The following SERPINB6 variants were observed in gnomAD, a reference collection of about 807,000 sequenced individuals.
SERPINB6 encodes the protein serpin B6.
A neutral mutation model predicts 26.1 loss-of-function variants in SERPINB6; 16 were observed. The ratio of observed to expected loss-of-function variants is 0.61; its 90% CI spans 0.42 to 0.93. The LOEUF (loss-of-function observed/expected upper bound fraction) is 0.93, where lower values mean the gene tolerates loss of function less well. Ranked by LOEUF, SERPINB6 falls within the 40% of genes least tolerant of loss-of-function variation. The pLI is 0.00. For synonymous variants in SERPINB6, 174 were observed against 176.6 expected (o/e 0.99, Z 0.11); for missense variants, 420 against 478.0 (o/e 0.88, Z 1.13).
rs1400963308 is a variant in SERPINB6 at position 2,955,197 on chromosome 6, A to AAC, written c.312+326_312+327insGT. The AAC allele has an allele frequency of 1.0e-5, 3 of 295,188 alleles. No individual in the cohort carries two copies. In the East Asian group the frequency reaches 2.4e-4, roughly 24 times the overall value. The allele number at this position is 295,188 out of a possible 1,614,324, so 18.3% of individuals were successfully genotyped here. On this transcript the variant is annotated intron_variant, in intron 3 of 6. Transcript: ENST00000380539. ...AGAGCGAGATTCTGTCTCAAAAAAA[A>AAC]AAAAACAAAAAAAAAAAAGCAAAAA... is the stretch of plus-strand genomic sequence containing the variant.
intron 1 of SERPINB6, chr6:2,969,364 C>T: frequency 1.0e-6 from 1 of 973,520 alleles, no homozygotes. Flanking sequence ...TGTGAATACA[C>T]ATGTATATAT....
chr6:2,970,922 T>C (rs1431870355), intron 1 of SERPINB6: 6 of 1,229,330 alleles, frequency 4.9e-6, no homozygotes, highest in Non-Finnish European at 6.1e-6. Context: ...GTGCTGCGGA[T>C]TGGCCAAGCC....
At position 2,948,319 on chromosome 6, in the gene SERPINB6, G is replaced by A. The variant is rs3188238; in HGVS notation, c.1110C>T (p.Cys370=). The change falls in exon 7 of 7, where the codon TGC becomes TGT. Residue 370 remains cysteine (C), a synonymous_variant. Coordinates refer to ENST00000380539, the MANE Select transcript of SERPINB6 (RefSeq NM_004568.6). This position sits in a 1 kb window ranked among gnomAD's most constrained non-coding sequence, Gnocchi z 5.0. ...GTCCTCACGGAGAGGAAAAGCGGCCGCAGAAGAGAATCCCGTTGGTCTTGC... is the reference window on the plus strand; with the variant it reads ...GTCCTCACGGAGAGGAAAAGCGGCCACAGAAGAGAATCCCGTTGGTCTTGC... ...QHSKTNGILF[C]GRFSSP is the part of the protein sequence containing the mutation. 171 of 1,613,798 alleles carry A rather than the reference G, an allele frequency of 1.1e-4. 1 individual carries two copies. Among genetic ancestry groups the A allele is most frequent in the Non-Finnish European group, 1.3e-4 (151 of 1,180,014 alleles).
In SERPINB6 at chr6:2,955,915, A is replaced by G. The variant is rs1009393880; in HGVS notation, c.166-245T>C. The G allele has an allele frequency of 1.9e-5, 8 of 424,678 alleles. No homozygotes were observed. In the Admixed American group the frequency reaches 2.5e-4, roughly 13 times the overall value. The allele number at this position is 424,678 out of a possible 1,614,324, so 26.3% of individuals were successfully genotyped here. A position where few individuals can be genotyped will look rare whatever the true frequency, so the allele number is the denominator to read the frequency against. ...AACATGGCAAAACCCCATCTCTACT[A>G]AACACACAAAAATGAGCTGGGCCTG... On this transcript the variant is annotated intron_variant, in intron 2 of 6. Coordinates refer to ENST00000380539, the MANE Select transcript of SERPINB6 (RefSeq NM_004568.6).
chr6:2,958,283 A>G (rs1287636995), intron 2 of SERPINB6: 1 of 152,304 alleles, frequency 6.6e-6, no homozygotes, highest in Non-Finnish European at 1.5e-5. Context: ...CCCTGCCTAC[A>G]CCTGGATCTC....
chr6:2,960,283 A>T (rs543245231), intron 1 of SERPINB6: 2 of 152,298 alleles, frequency 1.3e-5, no homozygotes, highest in Non-Finnish European at 2.9e-5. Context: ...ACTGCACTAC[A>T]GGGAAGGTGA....
At chr6:2,958,582 G>A (rs1770753294) in intron 2 of SERPINB6, among the ~76,000 whole-genome samples, 1 of 147,908 alleles carries the variant, frequency 6.8e-6, no homozygotes, top group African/African-American at 2.5e-5. Context: ...AGCGGAGAAG[G>A]CCACGGAGAA....
intron 1 of SERPINB6, chr6:2,969,506 T>C: frequency 1.0e-6 from 1 of 985,222 alleles, no homozygotes; most frequent in South Asian, 4.7e-5. Flanking sequence ...AACAATTTTA[T>C]GTATTTTTTA....
At chr6:2,953,242 C>G in intron 4 of SERPINB6, 56 bp from the exon 5 acceptor site, 2 of 1,611,708 alleles carry the variant, frequency 1.2e-6, no homozygotes, top group Admixed American at 3.3e-5. Flanking sequence ...ATCCCCGACA[C>G]ATCAGGAATC....
intron 1 of SERPINB6, chr6:2,966,515 G>T: frequency 1.9e-6 from 1 of 535,276 alleles, no homozygotes; most frequent in Non-Finnish European, 2.4e-6. Flanking sequence ...CCTCCTGTTA[G>T]GTCAGTGGCA....
chr6:2,958,546 G>A (rs947857706), intron 2 of SERPINB6, among the ~76,000 whole-genome samples: 2 of 152,140 alleles, frequency 1.3e-5, no homozygotes, highest in African/African-American at 4.8e-5. Flanking sequence ...AGGCAACGCT[G>A]CTGAAGGAAG....
At chr6:2,960,488 C>T (rs1770978340) in intron 1 of SERPINB6, 1 of 152,320 alleles carries the variant, frequency 6.6e-6, no homozygotes, top group Admixed American at 6.5e-5. Context: ...TGCTCTGACA[C>T]AGTTCTCAGA....
chr6:2,952,942 G>A (rs977672130), intron 5 of SERPINB6, 102 bp downstream of exon 5: 10 of 1,534,534 alleles, frequency 6.5e-6, no homozygotes, highest in East Asian at 4.5e-5. Context: ...CAAGCAGGAG[G>A]GGCAGGGACA....
intron 4 of SERPINB6, among the ~76,000 whole-genome samples, chr6:2,954,310 C>A (rs1425194756): frequency 6.6e-6 from 1 of 152,074 alleles, no homozygotes; most frequent in Non-Finnish European, 1.5e-5. Flanking sequence ...TAACCCCCTC[C>A]TCAAAATTAA....
Position 2,952,891 on chromosome 6 carries a change from G to C in SERPINB6, c.573+153C>G, listed in dbSNP as rs555503941. Among the ~76,000 whole-genome samples the C allele has an allele frequency of 1.1e-4, 16 of 152,360 alleles. No homozygotes were observed. In the East Asian group the frequency reaches 2.7e-3, roughly 26 times the overall value. Reference sequence around the variant, plus strand: ...GACTTGCCCTGTAGGTGGCAGGGCGGATGCCAGGCGCCCAGGGACACGAGG... The same window carrying C: ...GACTTGCCCTGTAGGTGGCAGGGCGCATGCCAGGCGCCCAGGGACACGAGG... On this transcript the variant is annotated intron_variant, in intron 5 of 6. Transcript: ENST00000380539.
Position 2,949,355 on chromosome 6 carries a change from C to T in SERPINB6, c.574-286G>A, listed in dbSNP as rs113727991. Among the ~76,000 whole-genome samples the T allele has an allele frequency of 6.5e-3, 997 of 152,366 alleles. 12 individuals are homozygous for T. The highest frequency in any genetic ancestry group is 0.022 in the African/African-American group (929 of 41,592). ...ATTTACCTCCCGCCTGGGCCTCTGC[C>T]CTGTCCTTGGGCCTCCTGCATTTTA... On this transcript the variant is annotated intron_variant, in intron 5 of 6. Coordinates refer to ENST00000380539, the MANE Select transcript of SERPINB6 (RefSeq NM_004568.6).
intron 1 of SERPINB6, chr6:2,959,684 G>A (rs1044526587): frequency 5.5e-6 from 2 of 365,000 alleles, no homozygotes; most frequent in East Asian, 6.5e-5. Context: ...TTGCTTCTAT[G>A]TTTGTATTCT....
intron 1 of SERPINB6, chr6:2,970,119 AAGCC>A: frequency 1.0e-6 from 1 of 985,212 alleles, no homozygotes; most frequent in Non-Finnish European, 1.2e-6. Flanking sequence ...CAAGTGCAGT[AAGCC>A]TGGAAATGTA....
chr6:2,951,555 T>C (rs1476172103), intron 5 of SERPINB6, among the ~76,000 whole-genome samples: 1 of 152,114 alleles, frequency 6.6e-6, no homozygotes, highest in African/African-American at 2.4e-5. Context: ...AATCTTGCAA[T>C]ATAAAAAGAT....
Sources: gnomAD v4.1 joint callset for allele counts (sites outside exome capture counted in the v4.1 genomes callset) on GRCh38, gnomAD v4.1.1 for gene constraint, Gnocchi (gnomAD v3.1) non-coding constraint, MANE v1.5 for transcripts, NCBI Gene and HGNC (gene_info 2026-07-23, HGNC 2026-07-21) for gene names.